The following HRC variants were observed in gnomAD, a reference collection of about 807,000 sequenced individuals.
HRC encodes sarcoplasmic reticulum histidine-rich calcium-binding protein.
A neutral mutation model predicts 61.4 loss-of-function variants in HRC; 41 were observed. The ratio of observed to expected loss-of-function variants is 0.67; its 90% CI spans 0.52 to 0.87. The LOEUF is 0.87. Among genes scored for constraint, HRC ranks in the 40% least tolerant of loss-of-function variants. The pLI is 0.00. For missense variants in HRC, 839 were observed against 885.8 expected (o/e 0.95, Z 0.67); for synonymous variants, 308 against 326.6 (o/e 0.94, Z 0.62).
In HRC at chr19:49,151,533, A is replaced by G; in HGVS notation, c.2047T>C (p.Ser683Pro). The change falls in exon 5 of 6, where the codon TCC becomes CCC. Residue 683 changes from serine (S) to proline (P), a missense_variant. Physicochemically the swap from Ser to Pro is moderately conservative, Grantham distance 74 (BLOSUM62 -1). Coordinates refer to ENST00000252825, the MANE Select transcript of HRC (RefSeq NM_002152.3). ...CACACTTACTGATAAAGGGACGAGG[A>G]GAAATAGTCAACGTAGCTTCCTGTG... ...CAPGSYVDYFSSSLYQALADM... is the reference protein window; with the variant it reads ...CAPGSYVDYFPSSLYQALADM... 1 of 1,613,936 alleles carries G rather than the reference A, an allele frequency of 6.2e-7. No homozygotes were observed. Among genetic ancestry groups the G allele is most frequent in the Non-Finnish European group, 8.5e-7 (1 of 1,180,024 alleles).
intron 2 of HRC, among the ~76,000 whole-genome samples, chr19:49,152,857 C>T (rs1372513962): frequency 6.6e-6 from 1 of 151,842 alleles, no homozygotes; most frequent in East Asian, 1.9e-4. Context: ...AGGCGTGAGC[C>T]ACCACACCCG....
Position 49,153,357 on chromosome 19 carries a change from A to T in HRC, c.1832-26T>A. On this transcript the variant is annotated intron_variant, in intron 1 of 5. Transcript: ENST00000252825. The surrounding 1 kb of genome is among the most constrained non-coding windows in gnomAD (Gnocchi z 4.8). Reference sequence around the variant, plus strand: ...CTGCGGGGACAGGAGGGCAGCAGTGACCCAGGCTGACTCGGTTCCTTCCCA... The same window carrying T: ...CTGCGGGGACAGGAGGGCAGCAGTGTCCCAGGCTGACTCGGTTCCTTCCCA... The T allele has an allele frequency of 6.2e-7, 1 of 1,612,240 alleles. No individual in the cohort carries two copies. Among genetic ancestry groups the T allele is most frequent in the African/African-American group, 1.3e-5 (1 of 74,940 alleles).
At position 49,154,871 on chromosome 19, in the gene HRC, C is replaced by G. The variant is rs2041409977; in HGVS notation, c.367G>C (p.Val123Leu). The G allele has an allele frequency of 1.2e-6, 2 of 1,614,068 alleles. No homozygotes were observed. The highest frequency in any genetic ancestry group is 1.3e-5 in the African/African-American group (1 of 74,936). The change falls in exon 1 of 6, where the codon GTC (valine) becomes CTC (leucine). Residue 123 changes from valine to leucine, a missense_variant. Transcript: ENST00000252825. ...GCCTGCCCACCATGCTCTGCAAAGA[C>G]CTCCTCACCTGAGACACCCTCATCT... is the stretch of plus-strand genomic sequence containing the variant. ...VGDEGVSGEE[V>L]FAEHGGQARG...
rs2041388060 is a variant in HRC, at chr19:49,154,000, T to G, written c.1238A>C (p.Glu413Ala). 1 of 1,613,680 alleles carries G rather than the reference T, an allele frequency of 6.2e-7. No homozygotes were observed. The highest frequency in any genetic ancestry group is 8.5e-7 in the Non-Finnish European group (1 of 1,179,944). Reference sequence around the variant, plus strand: ...TCTGTGGTGGTGATGGTGAGGGACTTCTGTTTTATACTCATCTTGGAAGTC... The same window carrying G: ...TCTGTGGTGGTGATGGTGAGGGACTGCTGTTTTATACTCATCTTGGAAGTC... ...EEDFQDEYKT[E>A]VPHHHHHRVP... The change falls in exon 1 of 6, where the codon GAA becomes GCA. Residue 413 changes from glutamate to alanine, a missense_variant. By Grantham distance (107) the Glu-to-Ala change is moderately radical. Coordinates refer to ENST00000252825, the MANE Select transcript of HRC (RefSeq NM_002152.3). The surrounding 1 kb of genome is among the most constrained non-coding windows in gnomAD (Gnocchi z 4.8).
chr19:49,153,787 TC>T lies in HRC; in HGVS notation c.1450del (p.Glu484ArgfsTer47). The T allele has an allele frequency of 6.2e-7, 1 of 1,614,146 alleles. No individual in the cohort carries two copies. The highest frequency in any genetic ancestry group is 8.5e-7 in the Non-Finnish European group (1 of 1,180,032). ...RSHLRKDDSE[E>X]EKEKEEDPGS... ...GGGGTCCTCTTCCTTCTCCTTTTCC[TC>T]CTCAGAATCATCCTTCCTCAAATGG... On this transcript the variant is annotated frameshift_variant, in exon 1 of 6. Transcript: ENST00000252825. LOFTEE classifies it high-confidence loss of function. This position sits in a 1 kb window ranked among gnomAD's most constrained non-coding sequence, Gnocchi z 4.8.
At position 49,151,497 on chromosome 19, in the gene HRC, C is replaced by T. The variant is rs1458291749; in HGVS notation, c.2063+20G>A. 1 of 1,613,210 alleles carries T rather than the reference C, an allele frequency of 6.2e-7. No individual in the cohort carries two copies. Among genetic ancestry groups the T allele is most frequent in the Non-Finnish European group, 8.5e-7 (1 of 1,179,248 alleles). On this transcript the variant is annotated intron_variant, in intron 5 of 5. Transcript: ENST00000252825. Reference sequence around the variant, plus strand: ...CTTCTCTAAACGGGGCTTTTACACGCTCCCCTTTTACACACTTACTGATAA... The same window carrying T: ...CTTCTCTAAACGGGGCTTTTACACGTTCCCCTTTTACACACTTACTGATAA...
chr19:49,151,658 C>T, intron 4 of HRC, 105 bp from the exon 5 acceptor site: 2 of 1,012,334 alleles, frequency 2.0e-6, no homozygotes, highest in South Asian at 1.4e-5. Flanking sequence ...CCTCCTTTTC[C>T]CTAATTCCTT....
At chr19:49,151,437 C>T (rs2041357464) in intron 5 of HRC, 80 bp downstream of exon 5, 2 of 1,585,266 alleles carry the variant, frequency 1.3e-6, no homozygotes, top group African/African-American at 2.7e-5. Flanking sequence ...AAATGGAGTC[C>T]CAGAGTCATC....
rs757829023 is a variant in HRC at position 49,155,005 on chromosome 19, T to G, written c.233A>C (p.Asn78Thr). The change falls in exon 1 of 6, where the codon AAT becomes ACT. Residue 78 changes from asparagine to threonine, a missense_variant. Transcript: ENST00000252825. The surrounding 1 kb of genome is among the most constrained non-coding windows in gnomAD (Gnocchi z 4.7). Reference sequence around the variant, plus strand: ...TGGGTGGCTCCAGAAATGATGCCCATTCTCTGTGGAAACATCCTTGTTCTC... The same window carrying G: ...TGGGTGGCTCCAGAAATGATGCCCAGTCTCTGTGGAAACATCCTTGTTCTC... Reference protein sequence around the residue: ...PDENKDVSTENGHHFWSHPDR... With the variant: ...PDENKDVSTETGHHFWSHPDR... 1 of 1,614,218 alleles carries G rather than the reference T, an allele frequency of 6.2e-7. No homozygotes were observed. The highest frequency in any genetic ancestry group is 8.5e-7 in the Non-Finnish European group (1 of 1,180,040).
chr19:49,154,256 C>T lies in HRC; in HGVS notation c.982G>A (p.Glu328Lys), dbSNP rs765333444. Residue 328 changes from glutamate (E) to lysine (K), a missense_variant, in exon 1 of 6, where the codon GAG becomes AAG. By Grantham distance (56) the Glu-to-Lys change is moderately conservative. Transcript: ENST00000252825. ...AHRHQDHRKE[E>K]VEAVSGEHHH... ...TGTTCACCTGAGACAGCCTCAACCT[C>T]TTCCTTTCTGTGGTCTTGGTGCCTG... 32 of 1,613,752 alleles carry T rather than the reference C, an allele frequency of 2.0e-5. No homozygotes were observed. The Admixed American group carries it at 5.2e-4, about 26-fold the overall frequency.
At position 49,154,962 on chromosome 19, in the gene HRC, A is replaced by T; in HGVS notation, c.276T>A (p.Asp92Glu). 1 of 1,613,984 alleles carries T rather than the reference A, an allele frequency of 6.2e-7. No homozygotes were observed. Among genetic ancestry groups the T allele is most frequent in the East Asian group, 2.2e-5 (1 of 44,860 alleles). Reference protein sequence around the residue: ...FWSHPDREKEDEDVSKEYGHL... With the variant: ...FWSHPDREKEEEDVSKEYGHL... ...GCCCATATTCCTTGGAGACATCTTC[A>T]TCCTCCTTTTCACGGTCTGGGTGGC... Residue 92 changes from aspartate (D) to glutamate (E), a missense_variant, in exon 1 of 6, where the codon GAT becomes GAA. Asp to Glu is a conservative substitution (Grantham distance 45). Transcript: ENST00000252825.
rs1192199380 is a variant in HRC at position 49,154,785 on chromosome 19, G to T, written c.453C>A (p.His151Gln). The part of the protein sequence containing the change: ...DTEDSAEHRH[H>Q]LPSHRSHSHQ... ...GGCTGTGGCTCCTGTGGCTGGGGAG[G>T]TGGTGCCTGTGCTCAGCTGAGTCTT... Residue 151 changes from histidine (H) to glutamine (Q), a missense_variant, in exon 1 of 6, where the codon CAC becomes CAA. Coordinates refer to ENST00000252825, the MANE Select transcript of HRC (RefSeq NM_002152.3). The T allele has an allele frequency of 6.2e-7, 1 of 1,613,674 alleles. No homozygotes were observed. The highest frequency in any genetic ancestry group is 1.3e-5 in the African/African-American group (1 of 74,766).
chr19:49,152,669 A>G (rs2041373389), intron 2 of HRC, among the ~76,000 whole-genome samples: 1 of 151,670 alleles, frequency 6.6e-6, no homozygotes, highest in African/African-American at 2.4e-5. Flanking sequence ...TCCCGGGTTC[A>G]AGCGATTCTC....
chr19:49,151,595 G>T lies in HRC; in HGVS notation c.2027-42C>A, dbSNP rs117333642. ...AAAAGAGGCTTGAGGGGTACTGCAC[G>T]AGCAAAATTAGGCAGCCACTCAGTA... is the stretch of plus-strand genomic sequence containing the variant. On this transcript the variant is annotated intron_variant, in intron 4 of 5. Transcript: ENST00000252825. 3 of 1,597,522 alleles carry T rather than the reference G, an allele frequency of 1.9e-6. No homozygotes were observed. In the South Asian group the frequency reaches 3.3e-5, roughly 18 times the overall value.
In HRC at chr19:49,154,552, T is replaced by TC; in HGVS notation, c.685dup (p.Asp229GlyfsTer16). ...GCTGGGGCCATGATGATGGTGTCCA[T>TC]CTGAGACATCCTCATCCTCTTCACT... is the stretch of plus-strand genomic sequence containing the variant. On this transcript the variant is annotated frameshift_variant, in exon 1 of 6. Transcript: ENST00000252825. LOFTEE classifies it high-confidence loss of function. The TC allele has an allele frequency of 6.2e-7, 1 of 1,609,850 alleles. No individual in the cohort carries two copies. The highest frequency in any genetic ancestry group is 8.5e-7 in the Non-Finnish European group (1 of 1,178,672).
In HRC at chr19:49,154,518, G is replaced by C; in HGVS notation, c.720C>G (p.His240Gln). 6.2e-7 allele frequency: 1 copy of C among 1,610,214 alleles called. No individual in the cohort carries two copies. Among genetic ancestry groups the C allele is most frequent in the South Asian group, 1.1e-5 (1 of 90,852 alleles). ...GHHHHGPSHR[H>Q]QGHEEDDDDD... ...CATCGTCATCTTCTTCATGGCCTTG[G>C]TGCCTGTGGCTGGGGCCATGATGAT... is the stretch of plus-strand genomic sequence containing the variant. The change falls in exon 1 of 6, where the codon CAC becomes CAG. Residue 240 changes from histidine (H) to glutamine (Q), a missense_variant. Transcript: ENST00000252825.
chr19:49,153,946 G>A lies in HRC; in HGVS notation c.1292C>T (p.Ser431Phe). Reference sequence around the variant, plus strand: ...GGGGGCCTGGTGGCCAAGCTCAGCAGAGACCTCCTCATCTTCCTCCCTGGG... The same window carrying A: ...GGGGGCCTGGTGGCCAAGCTCAGCAAAGACCTCCTCATCTTCCTCCCTGGG... ...RVPREEDEEV[S>F]AELGHQAPSH... Residue 431 changes from serine (S) to phenylalanine (F), a missense_variant, in exon 1 of 6, where the codon TCT becomes TTT. Ser to Phe is a radical substitution (Grantham distance 155). Coordinates refer to ENST00000252825, the MANE Select transcript of HRC (RefSeq NM_002152.3). This position sits in a 1 kb window ranked among gnomAD's most constrained non-coding sequence, Gnocchi z 4.8. 1.2e-6 allele frequency: 2 copies of A among 1,614,048 alleles called. No individual in the cohort carries two copies. Among genetic ancestry groups the A allele is most frequent in the Non-Finnish European group, 1.7e-6 (2 of 1,180,012 alleles).
chr19:49,154,729 G>C lies in HRC; in HGVS notation c.509C>G (p.Ser170Cys), dbSNP rs1442580510. ...HQDEDEDEVV[S>C]SEHHHHILRH... Reference sequence around the variant, plus strand: ...GAGGATATGATGGTGATGCTCACTGGACACAACTTCATCCTCATCCTCGTC... The same window carrying C: ...GAGGATATGATGGTGATGCTCACTGCACACAACTTCATCCTCATCCTCGTC... Residue 170 changes from serine (S) to cysteine (C), a missense_variant, in exon 1 of 6, where the codon TCC becomes TGC. Physicochemically the swap from Ser to Cys is moderately radical, Grantham distance 112. Transcript: ENST00000252825. The C allele has an allele frequency of 6.2e-7, 1 of 1,613,504 alleles. No individual in the cohort carries two copies. Among genetic ancestry groups the C allele is most frequent in the African/African-American group, 1.3e-5 (1 of 74,706 alleles).
At chr19:49,152,452 T>C (rs1600362588) in intron 2 of HRC, 74 bp from the exon 3 acceptor site, 3 of 1,210,546 alleles carry the variant, frequency 2.5e-6, no homozygotes, top group Admixed American at 3.8e-5. Context: ...GGCCCACCCC[T>C]GCACCCTGGA....
Sources: allele counts gnomAD v4.1 joint callset (sites outside exome capture counted in the v4.1 genomes callset), GRCh38; gene constraint gnomAD v4.1.1; non-coding constraint Gnocchi (gnomAD v3.1); transcripts MANE v1.5; gene names NCBI Gene and HGNC (gene_info 2026-07-23, HGNC 2026-07-21).